AGBL4: variants seen among roughly 807,000 people sequenced by gnomAD.
AGBL4 encodes AGBL carboxypeptidase 4.
Under a neutral mutation model 66.4 loss-of-function variants are expected in AGBL4, and 58 were observed. That is an observed-to-expected ratio of 0.87 (90% CI 0.71 to 1.09). The LOEUF (loss-of-function observed/expected upper bound fraction) is 1.09. Ranked by LOEUF, AGBL4 falls within the 50% of genes least tolerant of loss-of-function variation. The pLI is 0.00. For synonymous variants in AGBL4, 234 were observed against 222.9 expected, an observed-to-expected ratio of 1.05 and a Z score of -0.44; for missense variants, 579 against 631.0, an observed-to-expected ratio of 0.92 and a Z score of 0.88.
At chr1:49,429,993 C>T (rs1188116814) in intron 3 of AGBL4, among the ~76,000 whole-genome samples, 1 of 151,894 alleles carries the variant, frequency 6.6e-6, no homozygotes, top group Non-Finnish European at 1.5e-5. Context: ...TACAGGCAAG[C>T]ATCACCATGC....
intron 1 of AGBL4, among the ~76,000 whole-genome samples, chr1:49,892,671 C>T (rs2148170443): frequency 1.3e-5 from 2 of 152,268 alleles, no homozygotes; most frequent in African/African-American, 4.8e-5. Context: ...GTACACTCTG[C>T]TTCAGAGGCT....
intron 2 of AGBL4, among the ~76,000 whole-genome samples, chr1:49,712,690 A>AAAAG (rs2124663534): frequency 6.6e-6 from 1 of 152,094 alleles, no homozygotes; most frequent in South Asian, 2.1e-4. Context: ...TGTATATGAA[A>AAAAG]AAAGAAAGCT....
chr1:49,060,659 C>T (rs1162308968), intron 4 of AGBL4, among the ~76,000 whole-genome samples: 1 of 152,128 alleles, frequency 6.6e-6, no homozygotes, highest in Non-Finnish European at 1.5e-5. Context: ...CACCTGCACA[C>T]ACTGAGTGGG....
chr1:49,388,370 CA>C (rs199991221), intron 3 of AGBL4, among the ~76,000 whole-genome samples: 1 of 150,336 alleles, frequency 6.7e-6, no homozygotes, highest in East Asian at 1.9e-4. Context: ...ACTTAATGTA[CA>C]AAAAAAAATA....
At chr1:49,800,011 A>G (rs1192992905) in intron 2 of AGBL4, among the ~76,000 whole-genome samples, 4 of 152,210 alleles carry the variant, frequency 2.6e-5, no homozygotes, top group Non-Finnish European at 1.5e-5. Context: ...AACTATAAGT[A>G]ACATAACAGC....
intron 9 of AGBL4, among the ~76,000 whole-genome samples, chr1:48,624,534 C>T (rs1645467547): frequency 6.6e-6 from 1 of 152,162 alleles, no homozygotes; most frequent in Admixed American, 6.5e-5. Flanking sequence ...GGGGGTTTAC[C>T]CAGCTCTGTG....
intron 3 of AGBL4, among the ~76,000 whole-genome samples, chr1:49,364,392 A>G (rs1287284623): frequency 6.6e-6 from 1 of 152,118 alleles, no homozygotes; most frequent in Non-Finnish European, 1.5e-5. Context: ...ATAACACAGA[A>G]ATATTTACTG....
intron 8 of AGBL4, among the ~76,000 whole-genome samples, chr1:48,648,573 G>A (rs1645876513): frequency 6.6e-6 from 1 of 152,280 alleles, no homozygotes; most frequent in Non-Finnish European, 1.5e-5. Context: ...TCTGCCTATA[G>A]CTTATAGAGC....
chr1:49,831,086 T>G (rs1267627496), intron 2 of AGBL4, among the ~76,000 whole-genome samples: 1 of 152,208 alleles, frequency 6.6e-6, no homozygotes, highest in Non-Finnish European at 1.5e-5. Context: ...GTCTTGGCTA[T>G]GCAGACTTTT....
At chr1:49,555,501 T>A (rs1653360618) in intron 3 of AGBL4, among the ~76,000 whole-genome samples, 1 of 149,624 alleles carries the variant, frequency 6.7e-6, no homozygotes, top group Non-Finnish European at 1.5e-5. Context: ...GTCTAGCTTT[T>A]GTGTCTAGCT....
chr1:49,308,820 G>T (rs1002300599), intron 3 of AGBL4, among the ~76,000 whole-genome samples: 4 of 152,090 alleles, frequency 2.6e-5, no homozygotes, highest in African/African-American at 9.7e-5. Flanking sequence ...CAGGTGGGAG[G>T]CTAGGAGAAT....
intron 6 of AGBL4, among the ~76,000 whole-genome samples, chr1:48,812,367 G>C (rs2148758773): frequency 6.6e-6 from 1 of 152,238 alleles, no homozygotes; most frequent in Admixed American, 6.5e-5. Context: ...AGATTAGGAG[G>C]TTCTTAATTC....
chr1:48,941,358 G>A (rs1438655558), intron 5 of AGBL4, among the ~76,000 whole-genome samples: 1 of 152,216 alleles, frequency 6.6e-6, no homozygotes, highest in Non-Finnish European at 1.5e-5. Flanking sequence ...GTTAATTTCT[G>A]GCACTGGGAT....
chr1:49,081,631 G>A (rs1439016250), intron 4 of AGBL4, among the ~76,000 whole-genome samples: 1 of 152,174 alleles, frequency 6.6e-6, no homozygotes, highest in African/African-American at 2.4e-5. Context: ...AAGGCAAGAA[G>A]TCCTCTGCTT....
intron 8 of AGBL4, among the ~76,000 whole-genome samples, chr1:48,648,447 A>T (rs1339388670): frequency 6.6e-6 from 1 of 152,168 alleles, no homozygotes; most frequent in African/African-American, 2.4e-5. Flanking sequence ...CTTTCATCCC[A>T]CTTCCCTCTT....
chr1:49,732,297 A>G (rs1649518613), intron 2 of AGBL4, among the ~76,000 whole-genome samples: 1 of 152,230 alleles, frequency 6.6e-6, no homozygotes, highest in African/African-American at 2.4e-5. Context: ...AACATAGGAA[A>G]ATAAAAAAGG....
intron 6 of AGBL4, among the ~76,000 whole-genome samples, chr1:48,748,546 C>A (rs2148619151): frequency 6.6e-6 from 1 of 152,264 alleles, no homozygotes; most frequent in African/African-American, 2.4e-5. Context: ...AGGAAATCTT[C>A]ATAAGGACGG....
chr1:48,605,310 A>G (rs911662026), intron 9 of AGBL4, among the ~76,000 whole-genome samples: 35 of 152,270 alleles, frequency 2.3e-4, no homozygotes, highest in African/African-American at 7.5e-4. Context: ...TTCGTCCCCA[A>G]CCTCATTTCC....
At chr1:49,518,889 C>T (rs771688797) in intron 3 of AGBL4, among the ~76,000 whole-genome samples, 1 of 152,068 alleles carries the variant, frequency 6.6e-6, no homozygotes, top group Non-Finnish European at 1.5e-5. Context: ...CACTTAAAGG[C>T]ACACATATAA....
Sources: allele counts gnomAD v4.1 joint callset (sites outside exome capture counted in the v4.1 genomes callset), GRCh38; gene constraint gnomAD v4.1.1; transcripts MANE v1.5; gene names NCBI Gene and HGNC (gene_info 2026-07-23, HGNC 2026-07-21).